KIFC3: variants seen among roughly 807,000 people sequenced by gnomAD.
KIFC3 encodes the protein kinesin-like protein KIFC3.
A neutral mutation model predicts 101.8 loss-of-function variants in KIFC3; 60 were observed. The observed-to-expected ratio is 0.59, with a 90% CI of 0.48 to 0.73. The LOEUF is 0.73. Among genes scored for constraint, KIFC3 ranks in the 30% least tolerant of loss-of-function variants. The pLI, the probability that KIFC3 is intolerant of heterozygous loss-of-function variation, is 0.00. For missense variants in KIFC3, 966 were observed against 1,137.1 expected (o/e 0.85, Z 2.16); for synonymous variants, 476 against 482.7 (o/e 0.99, Z 0.18).
At chr16:57,780,522 T>A (rs955004863) in intron 3 of KIFC3, among the ~76,000 whole-genome samples, 28 of 145,494 alleles carry the variant, frequency 1.9e-4, no homozygotes, top group Admixed American at 5.6e-4. Context: ...AGAAAAAAAA[T>A]ATATATATAT....
intron 1 of KIFC3, among the ~76,000 whole-genome samples, chr16:57,825,805 G>A (rs551382182): frequency 6.6e-6 from 1 of 152,222 alleles, no homozygotes; most frequent in East Asian, 1.9e-4. Flanking sequence ...TCAGCCTCCT[G>A]AGTAGCTGGG....
chr16:57,758,388 G>A lies in KIFC3; in HGVS notation c.*546C>T, dbSNP rs2049385394. 8 of 343,472 alleles carry A rather than the reference G, an allele frequency of 2.3e-5. No homozygotes were observed. Among genetic ancestry groups the A allele is most frequent in the Admixed American group, 1.2e-4 (3 of 24,284 alleles). 21.3% of individuals were successfully genotyped at this position (343,472 alleles called of 1,614,324 possible). A position where few individuals can be genotyped will look rare whatever the true frequency, so the allele number is the denominator to read the frequency against. ...CCTCTGCCAGCCATAAACACAGCAC[G>A]GCCCCGTGGCGGGAGGCCATGCGCC... On this transcript the variant is annotated 3_prime_UTR_variant, in exon 20 of 20. Transcript: ENST00000445690.
At chr16:57,859,593 A>G (rs1413882290) in intron 1 of KIFC3, among the ~76,000 whole-genome samples, 1 of 152,140 alleles carries the variant, frequency 6.6e-6, no homozygotes, top group Non-Finnish European at 1.5e-5. Context: ...TGTCTACATC[A>G]GCCTTAGAAA....
At position 57,772,301 on chromosome 16, in the gene KIFC3, A is replaced by G; in HGVS notation, c.316-13T>C. The G allele has an allele frequency of 6.2e-7, 1 of 1,613,202 alleles. No individual in the cohort carries two copies. The highest frequency in any genetic ancestry group is 8.5e-7 in the Non-Finnish European group (1 of 1,179,366). ...TCAGGTGTTCTACCTGTGGGCACAG[A>G]GTCAGGAGCAAGGTGAGCCTCAGTC... On this transcript the variant is annotated splice_polypyrimidine_tract_variant and intron_variant, in intron 3 of 19. Coordinates refer to ENST00000445690, the MANE Select transcript of KIFC3 (RefSeq NM_001130100.2).
At chr16:57,804,292 A>G (rs1481400104), upstream of KIFC3, among the ~76,000 whole-genome samples, 2 of 152,150 alleles carry the variant, frequency 1.3e-5, no homozygotes, top group Non-Finnish European at 2.9e-5. Context: ...GCACAGCACT[A>G]AGCTCTTTAT....
chr16:57,826,906 T>C (rs2055470145), intron 1 of KIFC3, among the ~76,000 whole-genome samples: 1 of 152,212 alleles, frequency 6.6e-6, no homozygotes. Flanking sequence ...GAAGTGCGTC[T>C]GGGGCTGCTC....
intron 3 of KIFC3, among the ~76,000 whole-genome samples, chr16:57,793,957 A>G (rs2054094642): frequency 6.6e-6 from 1 of 152,266 alleles, no homozygotes; most frequent in African/African-American, 2.4e-5. Flanking sequence ...GGATAACTGT[A>G]TCTCTGCCCT....
At chr16:57,767,493 C>T (rs1285712343) in intron 9 of KIFC3, among the ~76,000 whole-genome samples, 1 of 152,168 alleles carries the variant, frequency 6.6e-6, no homozygotes, top group Non-Finnish European at 1.5e-5. Context: ...AATCACACAT[C>T]CCCTTTCTGG....
intron 3 of KIFC3, among the ~76,000 whole-genome samples, chr16:57,784,791 G>GATGCAGAAGGAGAAGAAAGTGACGC (rs2053142009): frequency 6.6e-6 from 1 of 151,534 alleles, no homozygotes; most frequent in African/African-American, 2.4e-5. Context: ...CCCACATGGA[G>GATGCAGAAGGAGAAGAAAGTGACGC]ATGCAGAAGG....
intron 16 of KIFC3, 44 bp from the exon 17 acceptor site, chr16:57,760,460 G>A (rs782600384): frequency 2.5e-6 from 4 of 1,596,882 alleles, no homozygotes; most frequent in African/African-American, 1.3e-5. Context: ...CCAGCTGGAG[G>A]GGCAACAGGG....
chr16:57,769,992 G>A lies in KIFC3; in HGVS notation c.940-37C>T, dbSNP rs781801800. On this transcript the variant is annotated intron_variant, in intron 7 of 19. Transcript: ENST00000445690. The surrounding 1 kb of genome is among the most constrained non-coding windows in gnomAD (Gnocchi z 4.3). ...AGGAAAAGGCTCAGTACCTCGAGGT[G>A]CGGGAGAGAGAGGGGCAGGTGCCAC... is the stretch of plus-strand genomic sequence containing the variant. The A allele has an allele frequency of 7.3e-5, 116 of 1,593,718 alleles. No homozygotes were observed. The South Asian group carries it at 7.7e-4, about 11-fold the overall frequency.
At chr16:57,842,886 C>CT (rs2055840900) in intron 1 of KIFC3, among the ~76,000 whole-genome samples, 1 of 152,144 alleles carries the variant, frequency 6.6e-6, no homozygotes, top group Non-Finnish European at 1.5e-5. Context: ...AATCCCAGCA[C>CT]TTTGGGAGGC....
At position 57,769,809 on chromosome 16, in the gene KIFC3, T is replaced by G. The variant is rs1422973934; in HGVS notation, c.1086A>C (p.Ala362=). ...ACAGGGCCCAGCTGGTCAGCTCACC[T>G]GCTAGATTCTCGTGCACAGCCTTCA... ...VEMKAVHENL[A]GVRTNLLTLQ... is the part of the protein sequence containing the mutation. The change falls in exon 8 of 20, where the codon GCA becomes GCC. Residue 362 remains alanine, a splice_region_variant and synonymous_variant. Coordinates refer to ENST00000445690, the MANE Select transcript of KIFC3 (RefSeq NM_001130100.2). The surrounding 1 kb of genome is among the most constrained non-coding windows in gnomAD (Gnocchi z 4.3). 5.0e-6 allele frequency: 8 copies of G among 1,613,358 alleles called. No individual in the cohort carries two copies. Among genetic ancestry groups the G allele is most frequent in the Non-Finnish European group, 5.9e-6 (7 of 1,179,986 alleles).
At chr16:57,788,656 GCTTCT>G (rs1568028354) in intron 3 of KIFC3, 7 of 1,289,504 alleles carry the variant, frequency 5.4e-6, no homozygotes, top group Non-Finnish European at 7.1e-6. Context: ...CTCTTCCAAA[GCTTCT>G]CTTCTTTCGT....
At position 57,794,991 on chromosome 16, in the gene KIFC3, G is replaced by C; in HGVS notation, c.315+8C>G. 1.3e-6 allele frequency: 2 copies of C among 1,565,514 alleles called. No individual in the cohort carries two copies. The highest frequency in any genetic ancestry group is 1.4e-5 in the African/African-American group (1 of 71,550). On this transcript the variant is annotated splice_region_variant and intron_variant, in intron 3 of 19. Coordinates refer to ENST00000445690, the MANE Select transcript of KIFC3 (RefSeq NM_001130100.2). ...GGCACATGCAGCCTGGAAGGCCCCA[G>C]TGCTTACCTGCAGGGTCAGGTAGAG... is the stretch of plus-strand genomic sequence containing the variant.
chr16:57,798,169 GGCCC>G lies in KIFC3; in HGVS notation c.71_74del (p.Arg24ProfsTer31). On this transcript the variant is annotated frameshift_variant, in exon 2 of 20. Coordinates refer to ENST00000445690, the MANE Select transcript of KIFC3 (RefSeq NM_001130100.2). LOFTEE classifies it high-confidence loss of function. ...GAGCCATCCCCGGCTCGGGCTCCGG[GGCCC>G]GGCCCACTCTCCACAGGCCCCGCAG... 2.6e-6 allele frequency: 4 copies of G among 1,540,288 alleles called. No individual in the cohort carries two copies. The highest frequency in any genetic ancestry group is 3.5e-6 in the Non-Finnish European group (4 of 1,143,236).
chr16:57,763,841 G>A (rs1481514677), intron 12 of KIFC3, among the ~76,000 whole-genome samples: 1 of 152,132 alleles, frequency 6.6e-6, no homozygotes, highest in Non-Finnish European at 1.5e-5. Context: ...TGCAGCCCTG[G>A]TCCTGAGAGA....
chr16:57,815,613 G>A, intron 1 of KIFC3: 1 of 1,289,912 alleles, frequency 7.8e-7, no homozygotes, highest in Non-Finnish European at 1.0e-6. Context: ...CATGGCTGCT[G>A]CACCTGATGT....
chr16:57,860,090 AAT>A (rs371068161), intron 1 of KIFC3, among the ~76,000 whole-genome samples: 11 of 128,832 alleles, frequency 8.5e-5, no homozygotes, highest in East Asian at 3.7e-4. Context: ...AATAAAATAA[AAT>A]AAAAACAAGT....
Sources: allele counts gnomAD v4.1 joint callset (sites outside exome capture counted in the v4.1 genomes callset), GRCh38; gene constraint gnomAD v4.1.1; non-coding constraint Gnocchi (gnomAD v3.1); transcripts MANE v1.5; gene names NCBI Gene and HGNC (gene_info 2026-07-23, HGNC 2026-07-21).